Variants in SOX6 observed in about 807,000 individuals in gnomAD.
The protein encoded by SOX6 is SRY-box transcription factor 6.
A neutral mutation model predicts 97.8 loss-of-function variants in SOX6; 11 were observed. The ratio of observed to expected loss-of-function variants is 0.11; its 90% CI spans 0.07 to 0.19. The LOEUF (loss-of-function observed/expected upper bound fraction) is 0.19, where lower values mean the gene tolerates loss of function less well. Ranked by LOEUF, SOX6 falls within the 10% of genes least tolerant of loss-of-function variation. The probability of loss-of-function intolerance (pLI) is 1.00; values close to 1 mark genes in which losing one functional copy is unlikely to be tolerated. For synonymous variants in SOX6, 360 were observed against 371.4 expected (o/e 0.97, Z 0.35); for missense variants, 810 against 1,039.5 (o/e 0.78, Z 3.04).
chr11:16,518,419 C>T (rs1046760498), intron 4 of SOX6, among the ~76,000 whole-genome samples: 15 of 152,112 alleles, frequency 9.9e-5, no homozygotes, highest in East Asian at 3.9e-4. Context: ...TGATAGCATG[C>T]GCTTTATACT....
rs79745516 is a variant in SOX6 at position 16,708,372 on chromosome 11, A to G, written n.429+6458T>C. On this transcript the variant is annotated intron_variant and non_coding_transcript_variant, in intron 3 of 5. Transcript: ENST00000524520. ...CTCTGATGCATCCACATTCTTATGCATCTGCCAAAGTGGCTTTATGATTCC... is the reference window on the plus strand; with the variant it reads ...CTCTGATGCATCCACATTCTTATGCGTCTGCCAAAGTGGCTTTATGATTCC... Among the ~76,000 whole-genome samples, 1,083 of 152,336 alleles carry G rather than the reference A, an allele frequency of 7.1e-3. 14 individuals carry two copies. The highest frequency in any genetic ancestry group is 0.024 in the African/African-American group (978 of 41,586).
chr11:16,564,358 G>A (rs1376088989), intron 4 of SOX6, among the ~76,000 whole-genome samples: 4 of 152,088 alleles, frequency 2.6e-5, no homozygotes, highest in Non-Finnish European at 2.9e-5. Context: ...GGGAGGTAAG[G>A]TTCTTACACT....
chr11:16,721,543 TCTCTCTCTTCCCCCCCC>T (rs1848263355), intron 2 of SOX6, among the ~76,000 whole-genome samples: 1 of 33,342 alleles, frequency 3.0e-5, no homozygotes, highest in African/African-American at 1.3e-4. Flanking sequence ...TCTCTCTCTC[TCTCTCTCTTCCCCCCCC>T]TCCCTCCCTC....
At chr11:16,169,083 G>C (rs1408928978) in intron 6 of SOX6, among the ~76,000 whole-genome samples, 1 of 151,816 alleles carries the variant, frequency 6.6e-6, no homozygotes, top group East Asian at 1.9e-4. Flanking sequence ...GTAATATTTG[G>C]GGAATTTTTA....
At chr11:16,160,550 G>A (rs540491615) in intron 6 of SOX6, among the ~76,000 whole-genome samples, 2 of 152,214 alleles carry the variant, frequency 1.3e-5, no homozygotes, top group African/African-American at 4.8e-5. Flanking sequence ...TTTACGGGGT[G>A]GAGGCTAATG....
intron 3 of SOX6, among the ~76,000 whole-genome samples, chr11:16,297,988 T>A (rs562051292): frequency 6.6e-6 from 1 of 152,282 alleles, no homozygotes; most frequent in South Asian, 2.1e-4. Flanking sequence ...TACTTTCTTT[T>A]TCTTTAAATG....
chr11:16,212,382 T>C (rs10741692), intron 4 of SOX6, among the ~76,000 whole-genome samples: 145,763 of 152,106 alleles, frequency 0.96, 70,139 homozygotes, highest in East Asian at 1. Context: ...AAAATATCTA[T>C]GGTATTATTT....
chr11:16,337,131 T>C (rs924564784), intron 2 of SOX6, among the ~76,000 whole-genome samples: 1 of 152,128 alleles, frequency 6.6e-6, no homozygotes, highest in East Asian at 1.9e-4. Flanking sequence ...GCCTGGAACT[T>C]TAGTAGGTAC....
intron 3 of SOX6, among the ~76,000 whole-genome samples, chr11:16,680,817 T>C (rs1847921586): frequency 6.6e-6 from 1 of 152,162 alleles, no homozygotes; most frequent in African/African-American, 2.4e-5. Context: ...TCCTAGTCTC[T>C]GATAAAACAG....
In SOX6 at chr11:15,972,854, G is replaced by A. The variant is rs1057138635; in HGVS notation, c.2442C>T (p.Asp814=). The A allele has an allele frequency of 1.2e-6, 2 of 1,614,108 alleles. No individual in the cohort carries two copies. The highest frequency in any genetic ancestry group is 2.2e-5 in the East Asian group (1 of 44,898). The change falls in exon 16 of 16, where the codon GAC becomes GAT. Residue 814 remains aspartate (D), a synonymous_variant. Transcript: ENST00000683767. ...CCGGGGCTTCATTTTCACTGCTATAGTCTGATTTGGGGTCATCTTCATAGT... is the reference window on the plus strand; with the variant it reads ...CCGGGGCTTCATTTTCACTGCTATAATCTGATTTGGGGTCATCTTCATAGT... ...YDDYEDDPKS[D]YSSENEAPEA... is the part of the protein sequence containing the mutation.
At chr11:16,021,275 G>T (rs923925388) in intron 12 of SOX6, among the ~76,000 whole-genome samples, 1 of 152,108 alleles carries the variant, frequency 6.6e-6, no homozygotes, top group Non-Finnish European at 1.5e-5. Flanking sequence ...TAAGTACAAT[G>T]CTAAGAGATA....
chr11:16,657,577 T>A (rs752295157), intron 3 of SOX6, among the ~76,000 whole-genome samples: 1 of 152,240 alleles, frequency 6.6e-6, no homozygotes, highest in South Asian at 2.1e-4. Context: ...GAATGAGAGT[T>A]CCTGTTGTGA....
At chr11:16,287,858 T>A (rs1215118154) in intron 3 of SOX6, among the ~76,000 whole-genome samples, 1 of 152,118 alleles carries the variant, frequency 6.6e-6, no homozygotes, top group Non-Finnish European at 1.5e-5. Context: ...CGTCAGGTGG[T>A]TCCTAAGTTT....
chr11:15,972,586 C>T lies in SOX6; in HGVS notation c.*223G>A. ...TGTCTCATATTTAATATGTCTTCACCTAAATTAAAAAAACAACAACAACAA... is the reference window on the plus strand; with the variant it reads ...TGTCTCATATTTAATATGTCTTCACTTAAATTAAAAAAACAACAACAACAA... On this transcript the variant is annotated 3_prime_UTR_variant, in exon 16 of 16. Transcript: ENST00000683767. 1.7e-6 allele frequency: 1 copy of T among 575,542 alleles called. No homozygotes were observed. The highest frequency in any genetic ancestry group is 3.1e-6 in the Non-Finnish European group (1 of 325,454). The allele number at this position is 575,542 out of a possible 1,614,324, so 35.7% of individuals were successfully genotyped here.
intron 3 of SOX6, among the ~76,000 whole-genome samples, chr11:16,660,350 G>C (rs964354616): frequency 2.0e-5 from 3 of 151,820 alleles, no homozygotes; most frequent in African/African-American, 4.8e-5. Flanking sequence ...CTGATTCTTT[G>C]ACCCATGTGT....
intron 3 of SOX6, among the ~76,000 whole-genome samples, chr11:16,249,056 G>A (rs1019864923): frequency 7.4e-5 from 11 of 148,182 alleles, no homozygotes; most frequent in South Asian, 2.1e-4. Flanking sequence ...AGCCAAGATC[G>A]CACCACTGCA....
At chr11:16,466,788 G>C (rs569574212) in intron 1 of SOX6, among the ~76,000 whole-genome samples, 3 of 150,234 alleles carry the variant, frequency 2.0e-5, no homozygotes, top group Non-Finnish European at 4.4e-5. Flanking sequence ...AAAATTAGCC[G>C]GGCGTAGTGG....
At chr11:15,984,953 C>T (rs2119817862) in intron 15 of SOX6, among the ~76,000 whole-genome samples, 1 of 152,266 alleles carries the variant, frequency 6.6e-6, no homozygotes, top group Admixed American at 6.5e-5. Context: ...AAGATAGTTT[C>T]CACTATTCAT....
rs563535311 is a variant in SOX6 at position 16,539,183 on chromosome 11, C to T, written n.610-62795G>A. Among the ~76,000 whole-genome samples the T allele has an allele frequency of 4.6e-5, 7 of 152,294 alleles. 1 individual carries two copies. In the Middle Eastern group the frequency reaches 0.02, roughly 444 times the overall value. On this transcript the variant is annotated intron_variant and non_coding_transcript_variant, in intron 4 of 5. Coordinates refer to the SOX6 transcript ENST00000524520. ...GGATTAAGAAACTGACTCAAAACTG[C>T]ACAACTACATGGAAACTGAACAACT...
Sources: gnomAD v4.1 joint callset for allele counts (sites outside exome capture counted in the v4.1 genomes callset) on GRCh38, gnomAD v4.1.1 for gene constraint, MANE v1.5 for transcripts, NCBI Gene and HGNC (gene_info 2026-07-23, HGNC 2026-07-21) for gene names.